FKBP3: variants seen among roughly 807,000 people sequenced by gnomAD.
FKBP3 encodes peptidyl-prolyl cis-trans isomerase FKBP3.
Under a neutral mutation model 30.6 loss-of-function variants are expected in FKBP3, and 21 were observed. That is an observed-to-expected ratio of 0.69 (90% CI 0.49 to 0.99). The LOEUF is 0.99. Ranked by LOEUF, FKBP3 falls within the 50% of genes least tolerant of loss-of-function variation. FKBP3 has a pLI of 0.00. For missense variants in FKBP3, 283 were observed against 261.6 expected (o/e 1.08, Z -0.56); for synonymous variants, 82 against 91.3 (o/e 0.90, Z 0.58).
chr14:45,131,919 T>G (rs946444856), intron 1 of FKBP3, among the ~76,000 whole-genome samples: 13 of 152,242 alleles, frequency 8.5e-5, no homozygotes, highest in Non-Finnish European at 1.8e-4. Flanking sequence ...AGATGGCAGA[T>G]GGACACTAAA....
chr14:45,116,130 G>T lies in FKBP3; in HGVS notation c.*68C>A. ...CAATAGTAACAAGTTCTAACTAGTT[G>T]TGTAAATTTCTTCAAGGCCAAGTTT... On this transcript the variant is annotated 3_prime_UTR_variant, in exon 7 of 7. Transcript: ENST00000396062. 2 of 1,079,414 alleles carry T rather than the reference G, an allele frequency of 1.9e-6. No individual in the cohort carries two copies. Among genetic ancestry groups the T allele is most frequent in the African/African-American group, 1.5e-5 (1 of 64,684 alleles). The allele number at this position is 1,079,414 out of a possible 1,614,324, so 66.9% of individuals were successfully genotyped here.
chr14:45,134,330 G>C lies in FKBP3; in HGVS notation c.108+19C>G. On this transcript the variant is annotated intron_variant, in intron 1 of 6. Transcript: ENST00000396062. ...GTCCCTCAGCCGCACCAGCCCGGCC[G>C]CCCCTACGCCTCTGGTACCGAATCT... 1 of 1,587,282 alleles carries C rather than the reference G, an allele frequency of 6.3e-7. No individual in the cohort carries two copies. The highest frequency in any genetic ancestry group is 1.1e-5 in the South Asian group (1 of 90,426).
chr14:45,120,097 C>T (rs567227800), intron 5 of FKBP3, among the ~76,000 whole-genome samples: 8 of 152,168 alleles, frequency 5.3e-5, no homozygotes, highest in Admixed American at 5.2e-4. Context: ...ACTGATTGTA[C>T]AGAGAGTAAT....
chr14:45,124,209 T>C (rs1445541146), intron 3 of FKBP3, among the ~76,000 whole-genome samples: 1 of 152,066 alleles, frequency 6.6e-6, no homozygotes, highest in African/African-American at 2.4e-5. Context: ...CATGACCTTC[T>C]CAGTAGAGCA....
intron 3 of FKBP3, 29 bp from the exon 4 acceptor site, chr14:45,121,649 A>G: frequency 1.2e-6 from 2 of 1,604,012 alleles, no homozygotes; most frequent in Non-Finnish European, 1.7e-6. Context: ...ACACACACAC[A>G]GAGTTATTAA....
At chr14:45,126,976 C>T (rs1885112535) in intron 3 of FKBP3, among the ~76,000 whole-genome samples, 1 of 151,854 alleles carries the variant, frequency 6.6e-6, no homozygotes, top group Admixed American at 6.6e-5. Flanking sequence ...CCACCATGCC[C>T]AGCTAATTTT....
intron 3 of FKBP3, among the ~76,000 whole-genome samples, chr14:45,126,960 T>A (rs1227007608): frequency 6.6e-6 from 1 of 152,002 alleles, no homozygotes; most frequent in African/African-American, 2.4e-5. Context: ...GAATTACAGA[T>A]GCATGCCACC....
chr14:45,118,208 G>A, intron 5 of FKBP3, 83 bp from the exon 6 acceptor site: 3 of 762,050 alleles, frequency 3.9e-6, no homozygotes, highest in East Asian at 5.3e-5. Flanking sequence ...AAGATTGTAT[G>A]TTAAAACAAA....
chr14:45,116,677 G>A (rs778598420), intron 6 of FKBP3, among the ~76,000 whole-genome samples: 2 of 151,882 alleles, frequency 1.3e-5, no homozygotes, highest in African/African-American at 2.4e-5. Context: ...CCAACACAGT[G>A]AAACCCTGTC....
intron 2 of FKBP3, among the ~76,000 whole-genome samples, chr14:45,130,123 T>C (rs1885183229): frequency 6.6e-6 from 1 of 152,216 alleles, no homozygotes; most frequent in African/African-American, 2.4e-5. Context: ...GCTTACAATA[T>C]AAATTCTGAA....
chr14:45,125,814 G>T (rs1044852809), intron 3 of FKBP3, among the ~76,000 whole-genome samples: 1 of 152,000 alleles, frequency 6.6e-6, no homozygotes, highest in Non-Finnish European at 1.5e-5. Flanking sequence ...GATAGTAAAA[G>T]GACACTCTAA....
At chr14:45,127,423 G>A (rs1885124804) in intron 3 of FKBP3, among the ~76,000 whole-genome samples, 1 of 151,600 alleles carries the variant, frequency 6.6e-6, no homozygotes, top group Non-Finnish European at 1.5e-5. Flanking sequence ...CCTCCCAACC[G>A]ACCCTGTCTT....
rs939644848 is a variant in FKBP3, at chr14:45,130,708, A to C, written c.201T>G (p.Phe67Leu). 7.6e-6 allele frequency: 12 copies of C among 1,583,342 alleles called. No homozygotes were observed. Among genetic ancestry groups the C allele is most frequent in the Non-Finnish European group, 9.4e-6 (11 of 1,164,814 alleles). ...ATCTAACAATACTCACCTTAGTTTC[A>C]AAAAGATGGTTATAGGCTGTAACCA... Reference protein sequence around the residue: ...DHLVTAYNHLFETKRFKGTES... With the variant: ...DHLVTAYNHLLETKRFKGTES... The change falls in exon 2 of 7, where the codon TTT becomes TTG. Residue 67 changes from phenylalanine to leucine, a missense_variant. Phe to Leu is a conservative substitution (Grantham distance 22). Coordinates refer to ENST00000396062, the MANE Select transcript of FKBP3 (RefSeq NM_002013.4).
At position 45,115,673 on chromosome 14, in the gene FKBP3, T is replaced by A. The variant is rs1274187371; in HGVS notation, c.*525A>T. The A allele has an allele frequency of 6.6e-6, 1 of 152,642 alleles. No homozygotes were observed. Among genetic ancestry groups the A allele is most frequent in the Non-Finnish European group, 1.5e-5 (1 of 68,142 alleles). The allele number at this position is 152,642 out of a possible 1,614,324, so 9.5% of individuals were successfully genotyped here. On this transcript the variant is annotated 3_prime_UTR_variant, in exon 7 of 7. Transcript: ENST00000396062. ...TATGTTCACCTTTATTAGTGGCTCA[T>A]TGGTTTTGAAGTACACCTTTTCTAA...
chr14:45,127,335 G>A (rs1020414776), intron 3 of FKBP3, among the ~76,000 whole-genome samples: 59 of 144,788 alleles, frequency 4.1e-4, no homozygotes, highest in African/African-American at 1.5e-3. Flanking sequence ...GGCTGGTCTC[G>A]AACTCCCAAC....
chr14:45,121,519 T>C lies in FKBP3; in HGVS notation c.420A>G (p.Gln140=). The change falls in exon 4 of 7, where the codon CAA becomes CAG. Residue 140 remains glutamine, a synonymous_variant. Coordinates refer to ENST00000396062, the MANE Select transcript of FKBP3 (RefSeq NM_002013.4). ...VVHCWYTGTL[Q]DGTVFDTNIQ... ...TATTAGTATCAAAAACAGTCCCATC[T>C]TGTAGTGTTCCTGTATACCAGCAGT... 1.2e-6 allele frequency: 2 copies of C among 1,613,608 alleles called. No individual in the cohort carries two copies. Among genetic ancestry groups the C allele is most frequent in the Non-Finnish European group, 1.7e-6 (2 of 1,179,668 alleles).
intron 3 of FKBP3, among the ~76,000 whole-genome samples, chr14:45,126,190 C>T (rs1192452998): frequency 6.7e-6 from 1 of 148,876 alleles, no homozygotes; most frequent in Admixed American, 6.7e-5. Context: ...TGCACCTGGC[C>T]AATAACATGT....
intron 2 of FKBP3, among the ~76,000 whole-genome samples, chr14:45,130,320 A>C (rs1164695227): frequency 6.6e-6 from 1 of 152,262 alleles, no homozygotes; most frequent in Non-Finnish European, 1.5e-5. Flanking sequence ...TAAATTCATT[A>C]GTGAAATGGA....
At chr14:45,116,624 G>T (rs1307215376) in intron 6 of FKBP3, among the ~76,000 whole-genome samples, 1 of 152,098 alleles carries the variant, frequency 6.6e-6, no homozygotes, top group East Asian at 1.9e-4. Context: ...AGGAGGCTGA[G>T]GCAGGTGGAT....
Sources: gnomAD v4.1 joint callset for allele counts (sites outside exome capture counted in the v4.1 genomes callset) on GRCh38, gnomAD v4.1.1 for gene constraint, MANE v1.5 for transcripts, NCBI Gene and HGNC (gene_info 2026-07-23, HGNC 2026-07-21) for gene names.